ADGRA1: variants seen among roughly 807,000 people sequenced by gnomAD.
ADGRA1 encodes the protein adhesion G protein-coupled receptor A1.
A neutral mutation model predicts 21.3 loss-of-function variants in ADGRA1; 12 were observed. The observed-to-expected ratio is 0.56, with a 90% CI of 0.36 to 0.91. ADGRA1 has a LOEUF of 0.91. ADGRA1 is among the 40% of genes least tolerant of loss of function. ADGRA1 has a pLI of 0.01. For synonymous variants in ADGRA1, 385 were observed against 368.8 expected (o/e 1.04, Z -0.50); for missense variants, 790 against 805.6 (o/e 0.98, Z 0.23).
At chr10:133,124,354 C>G (rs965073832) in intron 5 of ADGRA1, among the ~76,000 whole-genome samples, 13 of 152,232 alleles carry the variant, frequency 8.5e-5, no homozygotes, top group African/African-American at 3.1e-4. Context: ...CCGGACACCT[C>G]TGGGTCGGGT....
chr10:133,105,624 C>G (rs914133963), intron 5 of ADGRA1, among the ~76,000 whole-genome samples: 5 of 152,240 alleles, frequency 3.3e-5, no homozygotes, highest in African/African-American at 1.2e-4. Context: ...GCCTGAGCCC[C>G]TTTCTGTGTG....
chr10:133,108,796 C>T (rs1591176912), intron 5 of ADGRA1, among the ~76,000 whole-genome samples: 1 of 151,990 alleles, frequency 6.6e-6, no homozygotes, highest in African/African-American at 2.4e-5. Flanking sequence ...CCAGCTCCAC[C>T]CCTCCCCTCA....
rs1564855933 is a variant in ADGRA1 at position 133,127,868 on chromosome 10, TCCACCTCCGCCTG to T, written c.501-460_501-448del. 3.3e-3 allele frequency among the ~76,000 whole-genome samples: 274 copies of T among 82,102 alleles called. 9 individuals carry two copies. The highest frequency in any genetic ancestry group is 0.012 in the African/African-American group (241 of 19,776). The allele number at this position is 82,102 out of a possible 152,430, so 53.9% of individuals were successfully genotyped here. A position where few individuals can be genotyped will look rare whatever the true frequency, so the allele number is the denominator to read the frequency against. On this transcript the variant is annotated intron_variant, in intron 6 of 6. Coordinates refer to ENST00000392607, the MANE Select transcript of ADGRA1 (RefSeq NM_001083909.3). ...CTCCGCCTGGCCCCGCCCACCCAGC[TCCACCTCCGCCTG>T]GCCCCGCCCACCCCACGCTGGCCAC... is the stretch of plus-strand genomic sequence containing the variant.
At chr10:133,089,998 C>T (rs906840625) in intron 2 of ADGRA1, among the ~76,000 whole-genome samples, 25 of 152,212 alleles carry the variant, frequency 1.6e-4, no homozygotes, top group African/African-American at 5.8e-4. Context: ...CCACACCCAG[C>T]GCAGCCCCAG....
chr10:133,098,931 C>T (rs574128695), intron 4 of ADGRA1, among the ~76,000 whole-genome samples, 168 bp downstream of exon 4: 3 of 152,376 alleles, frequency 2.0e-5, no homozygotes, highest in East Asian at 3.9e-4. Context: ...ACATGCTCCA[C>T]GTTTGACCCC....
chr10:133,102,602 T>G, intron 4 of ADGRA1, 95 bp from the exon 5 acceptor site: 1 of 1,418,894 alleles, frequency 7.0e-7, no homozygotes, highest in Non-Finnish European at 9.5e-7. Context: ...CCGCCTGCCG[T>G]TCTCATTCTT....
Position 133,125,750 on chromosome 10 carries a change from T to A in ADGRA1, c.402-1483T>A, listed in dbSNP as rs527789948. On this transcript the variant is annotated intron_variant, in intron 5 of 6. Transcript: ENST00000392607. Reference sequence around the variant, plus strand: ...TGCCTAGTTTTTACCTAGTTTCTTATGGTTGCTCTAATGGATTAAAATCCG... The same window carrying A: ...TGCCTAGTTTTTACCTAGTTTCTTAAGGTTGCTCTAATGGATTAAAATCCG... Among the ~76,000 whole-genome samples, 12 of 152,344 alleles carry A rather than the reference T, an allele frequency of 7.9e-5. No homozygotes were observed. The East Asian group carries it at 2.3e-3, about 29-fold the overall frequency.
At chr10:133,119,252 C>T (rs1852211328) in intron 5 of ADGRA1, among the ~76,000 whole-genome samples, 1 of 47,532 alleles carries the variant, frequency 2.1e-5, no homozygotes, top group Non-Finnish European at 4.0e-5. Context: ...GCCACTGGTC[C>T]TTTATTGCCA....
intron 5 of ADGRA1, among the ~76,000 whole-genome samples, chr10:133,123,704 A>G (rs368935100): frequency 0.011 from 1,236 of 112,748 alleles, 18 homozygotes; most frequent in African/African-American, 0.038. Flanking sequence ...TGTGGGGAGG[A>G]CTGCCTCCCT....
In ADGRA1 at chr10:133,098,694, C is replaced by T. The variant is rs9419100; in HGVS notation, c.186C>T (p.His62=). 2.5e-3 allele frequency: 3,987 copies of T among 1,611,756 alleles called. 82 individuals are homozygous for T. In the African/African-American group the frequency reaches 0.044, roughly 18 times the overall value. Residue 62 remains histidine (H), a synonymous_variant, in exon 4 of 7, where the codon CAC becomes CAT. Transcript: ENST00000392607. The stretch of plus-strand genomic sequence containing the variant: ...ACACGCTCCTGAATTTCTGCTTCCA[C>T]GCGGCCCTGACCTTCACTGTGTTCG... ...GRHTLLNFCF[H]AALTFTVFAG...
chr10:133,089,604 C>T (rs1006393904), intron 2 of ADGRA1, among the ~76,000 whole-genome samples: 1 of 152,166 alleles, frequency 6.6e-6, no homozygotes, highest in Non-Finnish European at 1.5e-5. Flanking sequence ...AGCTGACAGG[C>T]GGTGAGGACC....
At position 133,102,846 on chromosome 10, in the gene ADGRA1, C is replaced by G. The variant is rs375704909; in HGVS notation, c.401+4C>G. The G allele has an allele frequency of 1.7e-4, 279 of 1,606,238 alleles. No individual in the cohort carries two copies. Among genetic ancestry groups the G allele is most frequent in the Non-Finnish European group, 2.2e-4 (261 of 1,174,534 alleles). ...ACCCCAGGCAGCCCCTGCTCAGGTACTGAGTGCACATGGGCGCGAGGCCCC... is the reference window on the plus strand; with the variant it reads ...ACCCCAGGCAGCCCCTGCTCAGGTAGTGAGTGCACATGGGCGCGAGGCCCC... On this transcript the variant is annotated splice_donor_region_variant and intron_variant, in intron 5 of 6. Coordinates refer to ENST00000392607, the MANE Select transcript of ADGRA1 (RefSeq NM_001083909.3).
intron 5 of ADGRA1, among the ~76,000 whole-genome samples, chr10:133,124,957 C>T (rs1852349731): frequency 6.6e-6 from 1 of 152,254 alleles, no homozygotes. Context: ...AGCCCGGAGC[C>T]GGTGGTGCGC....
At position 133,111,962 on chromosome 10, in the gene ADGRA1, ACC is replaced by A; in HGVS notation, c.401+9121_401+9122del. 1.8e-4 allele frequency among the ~76,000 whole-genome samples: 12 copies of A among 67,510 alleles called. 5 individuals carry two copies. The highest frequency in any genetic ancestry group is 6.0e-4 in the Admixed American group (4 of 6,674). The allele number at this position is 67,510 out of a possible 152,430, so 44.3% of individuals were successfully genotyped here. A position where few individuals can be genotyped will look rare whatever the true frequency, so the allele number is the denominator to read the frequency against. On this transcript the variant is annotated intron_variant, in intron 5 of 6. Transcript: ENST00000392607. Reference sequence around the variant, plus strand: ...ACCTCCCTCCTAATCCCTCCAGACCACCTGCCCACCACAGGCACCTCCCTCCT... The same window carrying A: ...ACCTCCCTCCTAATCCCTCCAGACCATGCCCACCACAGGCACCTCCCTCCT...
chr10:133,092,005 G>T (rs909794963), intron 2 of ADGRA1, among the ~76,000 whole-genome samples: 2 of 152,198 alleles, frequency 1.3e-5, no homozygotes, highest in Non-Finnish European at 2.9e-5. Context: ...CCAGGATCGG[G>T]TCCTGGCCCA....
At chr10:133,117,369 C>T (rs1210347161) in intron 5 of ADGRA1, among the ~76,000 whole-genome samples, 1 of 152,222 alleles carries the variant, frequency 6.6e-6, no homozygotes, top group East Asian at 1.9e-4. Context: ...GCCCAGCAAA[C>T]ACCCACGGAA....
rs546693361 is a variant in ADGRA1 at position 133,098,474 on chromosome 10, G to A, written c.132-166G>A. On this transcript the variant is annotated intron_variant, in intron 3 of 6. Coordinates refer to ENST00000392607, the MANE Select transcript of ADGRA1 (RefSeq NM_001083909.3). The stretch of plus-strand genomic sequence containing the variant: ...AGTGGCCGTCACTCAGGGCAGACTC[G>A]GACGACCCATCTGCTCTCCCCTGAC... Among the ~76,000 whole-genome samples, 6 of 152,262 alleles carry A rather than the reference G, an allele frequency of 3.9e-5. No homozygotes were observed. In the East Asian group the frequency reaches 5.8e-4, roughly 15 times the overall value.
intron 5 of ADGRA1, among the ~76,000 whole-genome samples, chr10:133,107,302 C>T (rs991261280): frequency 2.0e-5 from 3 of 152,206 alleles, no homozygotes; most frequent in African/African-American, 4.8e-5. Context: ...GATAATTCTA[C>T]TTCTTCCCTT....
chr10:133,092,510 G>A (rs1401270961), intron 2 of ADGRA1, among the ~76,000 whole-genome samples: 1 of 152,104 alleles, frequency 6.6e-6, no homozygotes, highest in East Asian at 1.9e-4. Context: ...GTGTTCTGGA[G>A]GAATAAATTC....
Sources: allele counts gnomAD v4.1 joint callset (sites outside exome capture counted in the v4.1 genomes callset), GRCh38; gene constraint gnomAD v4.1.1; transcripts MANE v1.5; gene names NCBI Gene and HGNC (gene_info 2026-07-23, HGNC 2026-07-21).